Variants in CHSY3 observed in about 807,000 individuals in gnomAD.
CHSY3 encodes chondroitin sulfate synthase 3.
In CHSY3, 35 loss-of-function variants were observed where a neutral mutation model predicts 67.2. That is an observed-to-expected ratio of 0.52 (90% CI 0.40 to 0.69). The LOEUF is 0.69. Ranked by LOEUF, CHSY3 falls within the 30% of genes least tolerant of loss-of-function variation. The probability of loss-of-function intolerance (pLI) is 0.00; values close to 1 mark genes in which losing one functional copy is unlikely to be tolerated. For synonymous variants in CHSY3, 474 were observed against 434.7 expected (o/e 1.09, Z -1.12); for missense variants, 1,069 against 1,138.5 (o/e 0.94, Z 0.88).
intron 2 of CHSY3, among the ~76,000 whole-genome samples, chr5:130,017,630 A>G (rs1764252807): frequency 6.6e-6 from 1 of 152,152 alleles, no homozygotes; most frequent in Non-Finnish European, 1.5e-5. Flanking sequence ...ATCTCACTCC[A>G]TATTCCCTGC....
intron 2 of CHSY3, among the ~76,000 whole-genome samples, chr5:130,073,391 G>A (rs868218362): frequency 1.3e-5 from 2 of 151,704 alleles, no homozygotes; most frequent in African/African-American, 4.8e-5. Flanking sequence ...GGGTTCAAGC[G>A]ATTCTCCTGC....
chr5:130,011,028 C>G (rs1269176318), intron 2 of CHSY3, among the ~76,000 whole-genome samples: 1 of 152,114 alleles, frequency 6.6e-6, no homozygotes, highest in Non-Finnish European at 1.5e-5. Context: ...AAATTCACAG[C>G]CAAATTCTAT....
intron 2 of CHSY3, among the ~76,000 whole-genome samples, chr5:130,137,084 C>G (rs1478185345): frequency 6.6e-6 from 1 of 151,972 alleles, no homozygotes; most frequent in Non-Finnish European, 1.5e-5. Context: ...TCAGAGAGAG[C>G]TAAGAATAAA....
intron 2 of CHSY3, among the ~76,000 whole-genome samples, chr5:130,000,248 T>C (rs1014582674): frequency 1.3e-5 from 2 of 152,234 alleles, no homozygotes; most frequent in African/African-American, 4.8e-5. Flanking sequence ...CGTAGGATTT[T>C]AGTGTAACGT....
intron 2 of CHSY3, among the ~76,000 whole-genome samples, chr5:130,070,962 A>C (rs190766479): frequency 5.9e-5 from 9 of 152,184 alleles, no homozygotes; most frequent in Admixed American, 1.3e-4. Context: ...TGTAGCTTTC[A>C]TAGATAAAAC....
At chr5:130,110,032 G>C (rs1561540717) in intron 2 of CHSY3, among the ~76,000 whole-genome samples, 2 of 151,850 alleles carry the variant, frequency 1.3e-5, no homozygotes, top group African/African-American at 4.8e-5. Flanking sequence ...ATAAGTACTG[G>C]AAATGGTGAT....
intron 2 of CHSY3, among the ~76,000 whole-genome samples, chr5:130,012,519 G>A (rs778429236): frequency 3.3e-5 from 5 of 152,180 alleles, no homozygotes; most frequent in Non-Finnish European, 5.9e-5. Flanking sequence ...CACATGGCTA[G>A]GGAGACCTCA....
At chr5:130,075,395 A>G (rs572582668) in intron 2 of CHSY3, among the ~76,000 whole-genome samples, 18 of 152,300 alleles carry the variant, frequency 1.2e-4, no homozygotes, top group African/African-American at 4.1e-4. Context: ...TTTAATTACT[A>G]CAGCTTATGC....
At position 129,982,276 on chromosome 5, in the gene CHSY3, TA is replaced by T. The variant is rs201631358; in HGVS notation, c.1086+73925del. Among the ~76,000 whole-genome samples the T allele has an allele frequency of 2.5e-3, 369 of 150,548 alleles. 2 individuals carry two copies. Among genetic ancestry groups the T allele is most frequent in the Admixed American group, 7.0e-3 (106 of 15,060 alleles). On this transcript the variant is annotated intron_variant, in intron 2 of 2. Coordinates refer to ENST00000305031, the MANE Select transcript of CHSY3 (RefSeq NM_175856.5). The stretch of plus-strand genomic sequence containing the variant: ...TATATAAAACTATATTATTCCAATG[TA>T]AAAAAAAACACACACACACACAAAA...
intron 2 of CHSY3, among the ~76,000 whole-genome samples, chr5:130,005,073 T>C (rs1763837628): frequency 2.0e-5 from 3 of 152,186 alleles, no homozygotes; most frequent in Admixed American, 2.0e-4. Context: ...TTCGAGATAC[T>C]ATAAAGTTTA....
intron 2 of CHSY3, among the ~76,000 whole-genome samples, chr5:130,018,162 G>A (rs1475642653): frequency 6.6e-6 from 1 of 151,732 alleles, no homozygotes; most frequent in Non-Finnish European, 1.5e-5. Flanking sequence ...ATTCTTATTT[G>A]TAAAAAATAA....
intron 2 of CHSY3, among the ~76,000 whole-genome samples, chr5:129,914,713 A>C (rs1760682306): frequency 6.6e-6 from 1 of 152,190 alleles, no homozygotes; most frequent in African/African-American, 2.4e-5. Flanking sequence ...ATAAAATTGC[A>C]TTCTGAGTTG....
At chr5:130,033,129 T>A (rs1764748745) in intron 2 of CHSY3, among the ~76,000 whole-genome samples, 1 of 152,196 alleles carries the variant, frequency 6.6e-6, no homozygotes, top group African/African-American at 2.4e-5. Flanking sequence ...TGAAGGAGAA[T>A]CTGGTCAGGA....
intron 2 of CHSY3, among the ~76,000 whole-genome samples, chr5:130,159,606 A>T (rs1356735391): frequency 6.6e-6 from 1 of 152,126 alleles, no homozygotes; most frequent in Non-Finnish European, 1.5e-5. Flanking sequence ...AGGCTGTATA[A>T]ATAAGTGAAG....
chr5:129,925,569 G>A (rs1323269540), intron 2 of CHSY3, among the ~76,000 whole-genome samples: 2 of 152,002 alleles, frequency 1.3e-5, no homozygotes, highest in African/African-American at 4.8e-5. Flanking sequence ...TCATATTTTT[G>A]TGGTGAGAAC....
intron 2 of CHSY3, among the ~76,000 whole-genome samples, chr5:129,961,194 T>C (rs1414473934): frequency 6.6e-6 from 1 of 152,080 alleles, no homozygotes; most frequent in African/African-American, 2.4e-5. Flanking sequence ...TTTCTGACAT[T>C]GCTAACGTTG....
chr5:130,027,608 T>G lies in CHSY3; in HGVS notation c.1086+119248T>G, dbSNP rs113993308. Among the ~76,000 whole-genome samples the G allele has an allele frequency of 9.1e-3, 1,376 of 151,742 alleles. 21 individuals are homozygous for G. Among genetic ancestry groups the G allele is most frequent in the African/African-American group, 0.032 (1,305 of 41,272 alleles). Reference sequence around the variant, plus strand: ...TTTACATTAGGTATATCTCCTAATGTTTTCCCTCCCCCCTCCCCCAACCCC... The same window carrying G: ...TTTACATTAGGTATATCTCCTAATGGTTTCCCTCCCCCCTCCCCCAACCCC... On this transcript the variant is annotated intron_variant, in intron 2 of 2. Coordinates refer to ENST00000305031, the MANE Select transcript of CHSY3 (RefSeq NM_175856.5).
chr5:129,974,304 A>ACC (rs1762730665), intron 2 of CHSY3, among the ~76,000 whole-genome samples: 1 of 152,086 alleles, frequency 6.6e-6, no homozygotes, highest in African/African-American at 2.4e-5. Flanking sequence ...CATAGAAAGG[A>ACC]TAACTCAACT....
At chr5:130,046,949 TTAAAA>T (rs1390005178) in intron 2 of CHSY3, among the ~76,000 whole-genome samples, 7 of 151,622 alleles carry the variant, frequency 4.6e-5, no homozygotes, top group Non-Finnish European at 8.9e-5. Context: ...ATATAAATTG[TTAAAA>T]TAAATTAAAA....
Sources: gnomAD v4.1 joint callset for allele counts (sites outside exome capture counted in the v4.1 genomes callset) on GRCh38, gnomAD v4.1.1 for gene constraint, MANE v1.5 for transcripts, NCBI Gene and HGNC (gene_info 2026-07-23, HGNC 2026-07-21) for gene names.